The following SEH1L variants were observed in gnomAD, a reference collection of about 807,000 sequenced individuals.
SEH1L encodes nucleoporin SEH1.
SEH1L carries 18 observed loss-of-function variants against 49.5 expected under a neutral mutation model. That is an observed-to-expected ratio of 0.36 (90% CI 0.25 to 0.54). SEH1L has a LOEUF of 0.54. Ranked by LOEUF, SEH1L falls within the 20% of genes least tolerant of loss-of-function variation. SEH1L has a pLI of 0.87. For missense variants in SEH1L, 404 were observed against 528.8 expected (o/e 0.76, Z 2.31); for synonymous variants, 169 against 178.1 (o/e 0.95, Z 0.41).
intron 4 of SEH1L, among the ~76,000 whole-genome samples, chr18:12,965,258 C>T (rs1568217612): frequency 1.3e-5 from 2 of 152,100 alleles, no homozygotes; most frequent in Non-Finnish European, 2.9e-5. Context: ...GTGATCCGCC[C>T]ACCTCGGCCT....
chr18:12,971,087 G>A, intron 4 of SEH1L, 66 bp from the exon 5 acceptor site: 1 of 1,135,384 alleles, frequency 8.8e-7, no homozygotes, highest in Non-Finnish European at 1.3e-6. Flanking sequence ...CCTCCAGTGT[G>A]TTCATTCTGT....
At chr18:12,955,804 G>A (rs1712917794) in intron 3 of SEH1L, among the ~76,000 whole-genome samples, 195 bp downstream of exon 3, 1 of 151,952 alleles carries the variant, frequency 6.6e-6, no homozygotes, top group South Asian at 2.1e-4. Context: ...ATACTTAGGA[G>A]CATCACTGCA....
intron 2 of SEH1L, among the ~76,000 whole-genome samples, chr18:12,955,053 G>T (rs1052753677): frequency 7.2e-5 from 11 of 152,066 alleles, no homozygotes; most frequent in Non-Finnish European, 1.6e-4. Context: ...ATTTTATTAG[G>T]TGGGTATTTT....
At chr18:12,976,468 G>A (rs6505774) in intron 5 of SEH1L, 1 of 152,080 alleles carries the variant, frequency 6.6e-6, no homozygotes, top group Non-Finnish European at 1.5e-5. Flanking sequence ...GCCACAGTAC[G>A]GGTGTTCCTC....
intron 8 of SEH1L, chr18:12,985,347 T>C: frequency 6.5e-7 from 1 of 1,547,552 alleles, no homozygotes; most frequent in South Asian, 1.2e-5. Flanking sequence ...CCAGCGCCGT[T>C]TGACCTCTCC....
Position 12,986,891 on chromosome 18 carries a change from G to C in SEH1L, c.1100G>C (p.Arg367Pro), listed in dbSNP as rs372017827. 93 of 1,606,134 alleles carry C rather than the reference G, an allele frequency of 5.8e-5. No homozygotes were observed. The highest frequency in any genetic ancestry group is 4.1e-5 in the Non-Finnish European group (48 of 1,175,582). The change falls in exon 9 of 9, where the codon CGG becomes CCG. Residue 367 changes from arginine to proline, a missense_variant. Arg to Pro is a moderately radical substitution (Grantham distance 103). Around this residue, in one of 3 missense-constraint regions of SEH1L, gnomAD observed 342 missense variants for 430.8 expected, o/e 0.79. Coordinates refer to ENST00000399892, the MANE Select transcript of SEH1L (RefSeq NM_001013437.2). ...TTCTTTACCCCTCTGGATTCCCCAC[G>C]GGCTGGATCGAGATGGTCCAGTTAT... ...RYFFTPLDSP[R>P]AGSRWSSYAQ...
chr18:12,962,385 A>AT (rs1487354852), intron 3 of SEH1L, among the ~76,000 whole-genome samples: 8 of 151,576 alleles, frequency 5.3e-5, no homozygotes, highest in East Asian at 1.9e-4. Context: ...AAGAAAAAAA[A>AT]AAAAATAATA....
At position 12,982,693 on chromosome 18, in the gene SEH1L, G is replaced by T. The variant is rs1248377680; in HGVS notation, c.919+18G>T. Reference sequence around the variant, plus strand: ...GTGGAAAGGTAAGAGTTCAGTGAAGGGGTAATTGTTGGTTTATATTTCTGC... The same window carrying T: ...GTGGAAAGGTAAGAGTTCAGTGAAGTGGTAATTGTTGGTTTATATTTCTGC... On this transcript the variant is annotated intron_variant, in intron 7 of 8. Transcript: ENST00000399892. The T allele has an allele frequency of 1.3e-6, 2 of 1,559,580 alleles. No homozygotes were observed. Among genetic ancestry groups the T allele is most frequent in the East Asian group, 2.3e-5 (1 of 43,790 alleles).
chr18:12,987,173 G>T lies in SEH1L; in HGVS notation c.*116G>T. The T allele has an allele frequency of 1.4e-6, 1 of 699,804 alleles. No homozygotes were observed. The highest frequency in any genetic ancestry group is 2.1e-5 in the South Asian group (1 of 48,274). The allele number at this position is 699,804 out of a possible 1,614,324, so 43.3% of individuals were successfully genotyped here. A position where few individuals can be genotyped will look rare whatever the true frequency, so the allele number is the denominator to read the frequency against. Reference sequence around the variant, plus strand: ...ATTTTTCTAACTTAGGGTCTGTCTTGCATGTATTACAACCAGAATACAGTG... The same window carrying T: ...ATTTTTCTAACTTAGGGTCTGTCTTTCATGTATTACAACCAGAATACAGTG... On this transcript the variant is annotated 3_prime_UTR_variant, in exon 9 of 9. Transcript: ENST00000399892.
intron 2 of SEH1L, among the ~76,000 whole-genome samples, chr18:12,952,264 GCT>G (rs1484477554): frequency 7.6e-6 from 1 of 131,798 alleles, no homozygotes; most frequent in Non-Finnish European, 1.6e-5. Context: ...GGAGAGTCTT[GCT>G]CTCTTGCCCA....
chr18:12,968,371 C>G (rs530238301), intron 4 of SEH1L, among the ~76,000 whole-genome samples: 3 of 152,278 alleles, frequency 2.0e-5, no homozygotes, highest in African/African-American at 7.2e-5. Context: ...ACCATTGGGG[C>G]GCAGTTCCTT....
chr18:12,983,656 T>C lies in SEH1L; in HGVS notation c.920-384T>C, dbSNP rs1598984155. Among the ~76,000 whole-genome samples, 5 of 152,362 alleles carry C rather than the reference T, an allele frequency of 3.3e-5. No individual in the cohort carries two copies. The South Asian group carries it at 1.0e-3, about 32-fold the overall frequency. On this transcript the variant is annotated intron_variant, in intron 7 of 8. Transcript: ENST00000399892. ...GGTACCCTTATAACTTATACTTGCA[T>C]AATTAAGAAGACAACTTCATTACCT...
chr18:12,969,889 C>CA (rs141033327), intron 4 of SEH1L, among the ~76,000 whole-genome samples: 9,397 of 150,798 alleles, frequency 0.062, 404 homozygotes, highest in East Asian at 0.17. Flanking sequence ...GGCTCTGTCT[C>CA]AAAAAAACAG....
intron 3 of SEH1L, among the ~76,000 whole-genome samples, chr18:12,957,923 G>A (rs1394990276): frequency 1.3e-5 from 2 of 152,002 alleles, no homozygotes; most frequent in African/African-American, 4.8e-5. Context: ...TGCCCAGGCT[G>A]GTCTTGAACT....
Position 12,984,182 on chromosome 18 carries a change from T to C in SEH1L, c.1062T>C (p.Ser354=). The change falls in exon 8 of 9, where the codon TCT becomes TCC. Residue 354 remains serine, a synonymous_variant. Coordinates refer to ENST00000399892, the MANE Select transcript of SEH1L (RefSeq NM_001013437.2). ...PSLQNSLNGS[S]AGRYFFTPLD... is the part of the protein sequence containing the mutation. ...TTCAGAATTCATTAAATGGATCTTC[T>C]GCTGGCAGGTAGGCTGCTTCATGGG... 6.2e-7 allele frequency: 1 copy of C among 1,613,632 alleles called. No homozygotes were observed.
chr18:12,948,709 A>G (rs1198733307), intron 1 of SEH1L: 1 of 154,888 alleles, frequency 6.5e-6, no homozygotes. Context: ...GCAGAAGCTC[A>G]CTTTGTTACG....
Position 12,981,849 on chromosome 18 carries a change from C to CTTTTTTTTTTTTTTTTTTTTTTTTTTTTT in SEH1L, c.762-669_762-668insTTTTTTTTTTTTTTTTTTTTTTTTTTTTT, listed in dbSNP as rs1467685892. On this transcript the variant is annotated intron_variant, in intron 6 of 8. Coordinates refer to ENST00000399892, the MANE Select transcript of SEH1L (RefSeq NM_001013437.2). ...ATTCTTTCCTACTTGCTGCCCTGCC[C>CTTTTTTTTTTTTTTTTTTTTTTTTTTTTT]ATTTTTTTTTTTTTTTTTTTTTTTT... 4.9e-5 allele frequency among the ~76,000 whole-genome samples: 5 copies of CTTTTTTTTTTTTTTTTTTTTTTTTTTTTT among 102,504 alleles called. 1 individual carries two copies. The highest frequency in any genetic ancestry group is 4.6e-5 in the African/African-American group (1 of 21,662). 67.2% of individuals were successfully genotyped at this position (102,504 alleles called of 152,430 possible).
chr18:12,954,654 G>C (rs1287136755), intron 2 of SEH1L, among the ~76,000 whole-genome samples: 1 of 152,118 alleles, frequency 6.6e-6, no homozygotes, highest in Non-Finnish European at 1.5e-5. Flanking sequence ...TTTTTGTAGT[G>C]ATGGCATTTT....
chr18:12,967,169 C>T (rs757868447), intron 4 of SEH1L, among the ~76,000 whole-genome samples: 1 of 152,178 alleles, frequency 6.6e-6, no homozygotes, highest in Admixed American at 6.5e-5. Context: ...TACTGAATAC[C>T]GAATTGCTCC....
Sources: gnomAD v4.1 joint callset for allele counts (sites outside exome capture counted in the v4.1 genomes callset) on GRCh38, gnomAD v4.1.1 for gene constraint, gnomAD v4.1.1 regional missense constraint, MANE v1.5 for transcripts, NCBI Gene and HGNC (gene_info 2026-07-23, HGNC 2026-07-21) for gene names.